The following SAE1 variants were observed in gnomAD, a reference collection of about 807,000 sequenced individuals.
SAE1 encodes the protein SUMO-activating enzyme subunit 1.
A neutral mutation model predicts 40.6 loss-of-function variants in SAE1; 11 were observed. That is an observed-to-expected ratio of 0.27 (90% CI 0.17 to 0.45). SAE1 has a LOEUF of 0.45. SAE1 is among the 20% of genes least tolerant of loss of function. SAE1 has a pLI of 1.00. For synonymous variants in SAE1, 155 were observed against 154.3 expected (o/e 1.00, Z -0.03); for missense variants, 373 against 427.3 (o/e 0.87, Z 1.12).
chr19:47,176,529 G>GT (rs2058469648), intron 6 of SAE1, among the ~76,000 whole-genome samples: 1 of 152,140 alleles, frequency 6.6e-6, no homozygotes, highest in Non-Finnish European at 1.5e-5. Flanking sequence ...TTGCCCTATT[G>GT]TAGAGGGAGA....
chr19:47,189,286 A>G, intron 6 of SAE1, among the ~76,000 whole-genome samples: 1 of 152,090 alleles, frequency 6.6e-6, no homozygotes, highest in South Asian at 2.1e-4. Context: ...GGCTGGGCGC[A>G]GTGGCTCACG....
intron 6 of SAE1, among the ~76,000 whole-genome samples, chr19:47,179,231 C>T (rs904381243): frequency 1.3e-5 from 2 of 150,418 alleles, no homozygotes; most frequent in Admixed American, 6.7e-5. Context: ...TCTAGCCGGT[C>T]GCGATGGCTC....
At chr19:47,201,981 G>A (rs555951980) in intron 7 of SAE1, among the ~76,000 whole-genome samples, 1 of 152,224 alleles carries the variant, frequency 6.6e-6, no homozygotes, top group East Asian at 1.9e-4. Context: ...TGATAAGCAG[G>A]AAGATGTTAC....
At chr19:47,207,635 C>T (rs1269139863) in intron 8 of SAE1, among the ~76,000 whole-genome samples, 1 of 152,060 alleles carries the variant, frequency 6.6e-6, no homozygotes, top group Non-Finnish European at 1.5e-5. Context: ...GGGCCACGTG[C>T]TCACTCTCCT....
chr19:47,160,265 A>C (rs2058351213), intron 5 of SAE1, among the ~76,000 whole-genome samples: 1 of 119,374 alleles, frequency 8.4e-6, no homozygotes, highest in Non-Finnish European at 1.6e-5. Flanking sequence ...TCTATCACCC[A>C]AGCTGGAGTG....
chr19:47,183,002 G>A (rs2058520841), intron 6 of SAE1, among the ~76,000 whole-genome samples: 1 of 152,040 alleles, frequency 6.6e-6, no homozygotes, highest in Admixed American at 6.6e-5. Flanking sequence ...TGCAACCTCT[G>A]CCTCCCAGGT....
At chr19:47,176,274 A>G (rs2058468252) in intron 6 of SAE1, among the ~76,000 whole-genome samples, 1 of 152,162 alleles carries the variant, frequency 6.6e-6, no homozygotes, top group African/African-American at 2.4e-5. Context: ...CTTGAAAGGC[A>G]TGCTTATTTT....
chr19:47,164,447 A>G lies in SAE1; in HGVS notation c.628-5371A>G, dbSNP rs140325538. Among the ~76,000 whole-genome samples the G allele has an allele frequency of 5.6e-3, 848 of 151,462 alleles. 7 individuals are homozygous for G. The highest frequency in any genetic ancestry group is 0.012 in the African/African-American group (481 of 41,306). ...CTCCCAAAGTGCTGGGATTACAGGC[A>G]TGAGCCACCACGTCTGGCCTGGAGC... On this transcript the variant is annotated intron_variant, in intron 5 of 8. Coordinates refer to ENST00000270225, the MANE Select transcript of SAE1 (RefSeq NM_005500.3).
In SAE1 at chr19:47,209,262, T is replaced by C. The variant is rs771443450; in HGVS notation, c.*11T>C. 1.4e-5 allele frequency: 22 copies of C among 1,614,060 alleles called. No individual in the cohort carries two copies. In the East Asian group the frequency reaches 4.0e-4, roughly 29 times the overall value. On this transcript the variant is annotated 3_prime_UTR_variant, in exon 9 of 9. Transcript: ENST00000270225. ...CTTGGCCCCAAGTGAACTCAAGATT[T>C]GGCAGCCCCAGAGATGCCAACTGCA... is the stretch of plus-strand genomic sequence containing the variant.
At chr19:47,148,583 C>G (rs1327187854) in intron 2 of SAE1, among the ~76,000 whole-genome samples, 2 of 151,582 alleles carry the variant, frequency 1.3e-5, no homozygotes, top group South Asian at 2.1e-4. Flanking sequence ...TTCCTCTGTT[C>G]CAGTCCCCAC....
At chr19:47,204,970 C>T (rs1261350137) in intron 8 of SAE1, among the ~76,000 whole-genome samples, 3 of 152,178 alleles carry the variant, frequency 2.0e-5, no homozygotes, top group African/African-American at 4.8e-5. Context: ...GTCACATAAC[C>T]AGTAACTAGC....
intron 2 of SAE1, among the ~76,000 whole-genome samples, chr19:47,147,064 A>G (rs967259176): frequency 7.2e-5 from 11 of 152,102 alleles, no homozygotes; most frequent in Non-Finnish European, 1.6e-4. Context: ...AGTAATTCTG[A>G]GATGGAAGCT....
rs182399185 is a variant in SAE1, at chr19:47,156,389, G to A, written c.627+1176G>A. The stretch of plus-strand genomic sequence containing the variant: ...AGCTACTTGGGAGGCTGAGGCAGGA[G>A]AATAGCTTGAACTGGGGAGGCGGAT... On this transcript the variant is annotated intron_variant, in intron 5 of 8. Transcript: ENST00000270225. Among the ~76,000 whole-genome samples, 124 of 152,034 alleles carry A rather than the reference G, an allele frequency of 8.2e-4. 1 individual carries two copies. Among genetic ancestry groups the A allele is most frequent in the African/African-American group, 2.8e-3 (116 of 41,500 alleles).
At chr19:47,184,490 A>C (rs1475734003) in intron 6 of SAE1, among the ~76,000 whole-genome samples, 1 of 151,612 alleles carries the variant, frequency 6.6e-6, no homozygotes. Flanking sequence ...GGCTCATTGC[A>C]ACCTCCACCT....
intron 5 of SAE1, among the ~76,000 whole-genome samples, chr19:47,161,588 A>G (rs919487228): frequency 1.3e-5 from 2 of 152,184 alleles, no homozygotes; most frequent in Admixed American, 6.6e-5. Context: ...ACGTGTTTAT[A>G]AATCTAAACA....
chr19:47,209,278 G>A lies in SAE1; in HGVS notation c.*27G>A, dbSNP rs763772529. 348 of 1,614,016 alleles carry A rather than the reference G, an allele frequency of 2.2e-4. 4 individuals are homozygous for A. In the South Asian group the frequency reaches 3.5e-3, roughly 16 times the overall value. ...CTCAAGATTTGGCAGCCCCAGAGAT[G>A]CCAACTGCAGCATGCCCACCTGTAT... On this transcript the variant is annotated 3_prime_UTR_variant, in exon 9 of 9. Transcript: ENST00000270225.
At chr19:47,181,271 G>A (rs1234244099) in intron 6 of SAE1, among the ~76,000 whole-genome samples, 12 of 151,856 alleles carry the variant, frequency 7.9e-5, no homozygotes, top group African/African-American at 2.4e-4. Context: ...AGCCGAGATC[G>A]CGCCATTGCA....
chr19:47,178,973 C>T (rs1485483243), intron 6 of SAE1, among the ~76,000 whole-genome samples: 2 of 150,736 alleles, frequency 1.3e-5, no homozygotes, highest in Non-Finnish European at 3.0e-5. Flanking sequence ...GTGGGTGGCT[C>T]ACAGGGTCAG....
intron 5 of SAE1, among the ~76,000 whole-genome samples, chr19:47,158,075 CAG>C (rs958626187): frequency 2.9e-5 from 4 of 135,852 alleles, no homozygotes; most frequent in Non-Finnish European, 4.6e-5. Context: ...GGGTTGTGCT[CAG>C]AGAGTGCAGG....
Sources: allele counts gnomAD v4.1 joint callset (sites outside exome capture counted in the v4.1 genomes callset), GRCh38; gene constraint gnomAD v4.1.1; transcripts MANE v1.5; gene names NCBI Gene and HGNC (gene_info 2026-07-23, HGNC 2026-07-21).